The following METTL16 variants were observed in gnomAD, a reference collection of about 807,000 sequenced individuals.
METTL16 encodes RNA N(6)-adenosine-methyltransferase METTL16.
METTL16 carries 19 observed loss-of-function variants against 57.9 expected under a neutral mutation model. The observed-to-expected ratio is 0.33, with a 90% CI of 0.23 to 0.48. The LOEUF (loss-of-function observed/expected upper bound fraction) is 0.48, where lower values mean the gene tolerates loss of function less well. Ranked by LOEUF, METTL16 falls within the 20% of genes least tolerant of loss-of-function variation. The pLI is 0.99. For missense variants in METTL16, 434 were observed against 691.5 expected, an observed-to-expected ratio of 0.63 and a Z score of 4.18; for synonymous variants, 246 against 255.6, an observed-to-expected ratio of 0.96 and a Z score of 0.36.
intron 8 of METTL16, among the ~76,000 whole-genome samples, chr17:2,433,911 AACTCCTGGCC>A (rs1289297533): frequency 6.6e-6 from 1 of 152,056 alleles, no homozygotes; most frequent in Non-Finnish European, 1.5e-5. Flanking sequence ...TCCTTTTCTC[AACTCCTGGCC>A]ACTCCTGCCC....
intron 6 of METTL16, among the ~76,000 whole-genome samples, chr17:2,448,984 G>A (rs1387800945): frequency 4.1e-5 from 6 of 145,776 alleles, no homozygotes; most frequent in Admixed American, 2.7e-4. Flanking sequence ...CCGAGATTGC[G>A]CCACTGCACT....
intron 7 of METTL16, among the ~76,000 whole-genome samples, chr17:2,440,916 G>A (rs1349087275): frequency 7.7e-6 from 1 of 130,600 alleles, no homozygotes; most frequent in Non-Finnish European, 1.6e-5. Context: ...AGGTTACAGT[G>A]AGTCATGATC....
chr17:2,505,326 G>T (rs985630142), intron 1 of METTL16, among the ~76,000 whole-genome samples: 6 of 147,530 alleles, frequency 4.1e-5, no homozygotes, highest in Non-Finnish European at 7.4e-5. Flanking sequence ...ACTTCTGTAG[G>T]TTTTACCTGC....
At chr17:2,501,319 C>T (rs1597473865) in intron 2 of METTL16, among the ~76,000 whole-genome samples, 1 of 151,988 alleles carries the variant, frequency 6.6e-6, no homozygotes, top group East Asian at 1.9e-4. Flanking sequence ...CTATTTTTAT[C>T]TGGGGAGGCT....
At chr17:2,478,284 T>C (rs1254522269) in intron 2 of METTL16, among the ~76,000 whole-genome samples, 1 of 152,232 alleles carries the variant, frequency 6.6e-6, no homozygotes, top group East Asian at 1.9e-4. Flanking sequence ...CTTAGCATAA[T>C]GTCTGGTGCA....
chr17:2,489,057 C>G (rs2067364414), intron 2 of METTL16, among the ~76,000 whole-genome samples: 1 of 152,028 alleles, frequency 6.6e-6, no homozygotes, highest in Non-Finnish European at 1.5e-5. Flanking sequence ...AATCCAAAAT[C>G]CTACTGGCAA....
At chr17:2,488,859 T>G (rs2067363149) in intron 2 of METTL16, among the ~76,000 whole-genome samples, 1 of 152,210 alleles carries the variant, frequency 6.6e-6, no homozygotes, top group South Asian at 2.1e-4. Context: ...GGCCTTAAAT[T>G]ATTATTCGCG....
intron 6 of METTL16, among the ~76,000 whole-genome samples, chr17:2,443,124 G>A (rs2066966283): frequency 6.6e-6 from 1 of 151,898 alleles, no homozygotes; most frequent in South Asian, 2.1e-4. Context: ...GAGTAGTTGG[G>A]ATTACAAGCG....
chr17:2,437,926 G>C (rs1191374333), intron 8 of METTL16, among the ~76,000 whole-genome samples, 183 bp downstream of exon 8: 1 of 152,162 alleles, frequency 6.6e-6, no homozygotes, highest in East Asian at 1.9e-4. Flanking sequence ...ACAGAGGAAG[G>C]CTCCACAGTC....
intron 6 of METTL16, among the ~76,000 whole-genome samples, chr17:2,447,257 CCT>C (rs2067006379): frequency 6.7e-6 from 1 of 148,780 alleles, no homozygotes; most frequent in East Asian, 2.0e-4. Flanking sequence ...GTGAGGAGCG[CCT>C]CTGCTGGCCG....
chr17:2,510,840 T>G (rs1254937303), intron 1 of METTL16, among the ~76,000 whole-genome samples: 1 of 149,254 alleles, frequency 6.7e-6, no homozygotes, highest in South Asian at 2.1e-4. Flanking sequence ...TTTACTTCAT[T>G]TTTTGTAGAA....
chr17:2,441,580 C>G (rs778932857), intron 6 of METTL16, 21 bp from the exon 7 acceptor site: 1 of 1,509,054 alleles, frequency 6.6e-7, no homozygotes, highest in Non-Finnish European at 8.9e-7. Flanking sequence ...AAAAATCAGA[C>G]AAGTAAATAC....
At chr17:2,428,551 AAAAAAAAAAAAAAATATATATATATATAT>A (rs2066838687) in intron 8 of METTL16, among the ~76,000 whole-genome samples, 2 of 66,330 alleles carry the variant, frequency 3.0e-5, no homozygotes, top group African/African-American at 1.2e-4. Flanking sequence ...AAAAAAAAAA[AAAAAAAAAAAAAAATATATATATATATAT>A]ATATATATAT....
intron 8 of METTL16, among the ~76,000 whole-genome samples, chr17:2,426,484 A>T (rs1451536398): frequency 6.6e-6 from 1 of 152,120 alleles, no homozygotes; most frequent in Non-Finnish European, 1.5e-5. Flanking sequence ...TAATCCCAGC[A>T]CTTTGGGAGG....
rs76851296 is a variant in METTL16 at position 2,509,495 on chromosome 17, T to G, written c.-1+2264A>C. On this transcript the variant is annotated intron_variant, in intron 1 of 9. Transcript: ENST00000263092. ...AGCTACTAGGGATGCCAAGGATAGC[T>G]TGAGCCCAGGAGTTCCAGTCCAGCC... Among the ~76,000 whole-genome samples, 220 of 152,278 alleles carry G rather than the reference T, an allele frequency of 1.4e-3. 1 individual carries two copies. The highest frequency in any genetic ancestry group is 4.7e-3 in the African/African-American group (197 of 41,556).
At chr17:2,438,279 A>G in intron 7 of METTL16, 81 bp from the exon 8 acceptor site, 1 of 980,842 alleles carries the variant, frequency 1.0e-6, no homozygotes, top group Non-Finnish European at 1.6e-6. Context: ...ATGCCATATT[A>G]TGTTGATCCT....
rs2067592338 is a variant in METTL16, at chr17:2,511,873, C to G, written c.-115G>C. On this transcript the variant is annotated 5_prime_UTR_variant, in exon 1 of 10. Transcript: ENST00000263092. ...AGAAACGCAGATGATACGCTCCCAG[C>G]GCGCCGCCATCTTGTGAAGCCATCT... is the stretch of plus-strand genomic sequence containing the variant. The G allele has an allele frequency of 5.0e-6, 2 of 398,526 alleles. No homozygotes were observed. Among genetic ancestry groups the G allele is most frequent in the South Asian group, 1.3e-4 (1 of 7,854 alleles). 24.7% of individuals were successfully genotyped at this position (398,526 alleles called of 1,614,324 possible). A position where few individuals can be genotyped will look rare whatever the true frequency, so the allele number is the denominator to read the frequency against.
intron 6 of METTL16, among the ~76,000 whole-genome samples, chr17:2,448,004 C>T (rs2067024158): frequency 2.0e-4 from 21 of 102,678 alleles, no homozygotes; most frequent in African/African-American, 9.1e-4. Context: ...TGAGGGGCGC[C>T]TCTGCCCGGC....
In METTL16 at chr17:2,492,917, C is replaced by A. The variant is rs140201194; in HGVS notation, c.128+9287G>T. ...CGTCTCAAAAAAAAAAAAAAAAAAA[C>A]AACAAAAAAAACACAGCTGGAACTG... is the stretch of plus-strand genomic sequence containing the variant. On this transcript the variant is annotated intron_variant, in intron 2 of 9. Transcript: ENST00000263092. Among the ~76,000 whole-genome samples, 506 of 91,260 alleles carry A rather than the reference C, an allele frequency of 5.5e-3. 2 individuals are homozygous for A. Among genetic ancestry groups the A allele is most frequent in the African/African-American group, 0.015 (401 of 26,636 alleles). 59.9% of individuals were successfully genotyped at this position (91,260 alleles called of 152,430 possible).
Sources: allele counts gnomAD v4.1 joint callset (sites outside exome capture counted in the v4.1 genomes callset), GRCh38; gene constraint gnomAD v4.1.1; transcripts MANE v1.5; gene names NCBI Gene and HGNC (gene_info 2026-07-23, HGNC 2026-07-21).